The following SERBP1 variants were observed in gnomAD, a reference collection of about 807,000 sequenced individuals.
SERBP1 encodes the protein SERPINE1 mRNA-binding protein 1.
SERBP1 carries 6 observed loss-of-function variants against 50.2 expected under a neutral mutation model. The ratio of observed to expected loss-of-function variants is 0.12; its 90% CI spans 0.07 to 0.24. SERBP1 has a LOEUF of 0.24. SERBP1 is among the 10% of genes least tolerant of loss of function. The probability of loss-of-function intolerance (pLI) is 1.00; values close to 1 mark genes in which losing one functional copy is unlikely to be tolerated. For synonymous variants in SERBP1, 168 were observed against 182.8 expected (o/e 0.92, Z 0.65); for missense variants, 346 against 524.9 (o/e 0.66, Z 3.33).
chr1:67,430,114 A>T lies in SERBP1; in HGVS notation c.187T>A (p.Ser63Thr). Residue 63 changes from serine to threonine, a missense_variant, in exon 1 of 8, where the codon TCC becomes ACC. Ser to Thr is a moderately conservative substitution (Grantham distance 58, BLOSUM62 1). This residue lies in a region of SERBP1 where 257 missense variants were observed against 331.2 expected (regional missense o/e 0.78). Transcript: ENST00000361219. ...SAAQAAAQTN[S>T]NAAGKQLRKE... is the part of the protein sequence containing the mutation. ...CGCAGCTGTTTGCCTGCCGCGTTGG[A>T]GTTGGTCTGGGCCGCGGCCTGAGCT... 1 of 1,612,328 alleles carries T rather than the reference A, an allele frequency of 6.2e-7. No individual in the cohort carries two copies.
intron 5 of SERBP1, among the ~76,000 whole-genome samples, chr1:67,422,758 G>A (rs1361390934): frequency 2.0e-5 from 3 of 151,774 alleles, no homozygotes; most frequent in African/African-American, 7.3e-5. Flanking sequence ...TCAGGAGTTC[G>A]AGACCAGCCT....
chr1:67,412,943 T>C lies in SERBP1; in HGVS notation c.*264A>G, dbSNP rs1286416062. 2.1e-6 allele frequency: 1 copy of C among 480,704 alleles called. No homozygotes were observed. Among genetic ancestry groups the C allele is most frequent in the South Asian group, 3.1e-5 (1 of 32,268 alleles). The allele number at this position is 480,704 out of a possible 1,614,324, so 29.8% of individuals were successfully genotyped here. ...GCAAGCAGCAATACAAAAGTATTCA[T>C]GAAGAATGCATAATCTCTGAAAATT... On this transcript the variant is annotated 3_prime_UTR_variant, in exon 8 of 8. Transcript: ENST00000361219.
chr1:67,426,833 C>G (rs1485923424), intron 1 of SERBP1, among the ~76,000 whole-genome samples: 2 of 152,012 alleles, frequency 1.3e-5, no homozygotes, highest in Non-Finnish European at 2.9e-5. Context: ...GCAATTAAGA[C>G]TCATAATTCT....
intron 6 of SERBP1, among the ~76,000 whole-genome samples, chr1:67,419,057 CA>C (rs1667121788): frequency 6.6e-6 from 1 of 152,158 alleles, no homozygotes; most frequent in Admixed American, 6.5e-5. Flanking sequence ...GCTACCAAAT[CA>C]AAAGCCATCA....
chr1:67,423,771 T>C (rs149938308), intron 5 of SERBP1, among the ~76,000 whole-genome samples: 2 of 152,248 alleles, frequency 1.3e-5, no homozygotes, highest in African/African-American at 2.4e-5. Flanking sequence ...GTTTTAACTA[T>C]CTCAAAGTAA....
In SERBP1 at chr1:67,410,306, A is replaced by G. The variant is rs1427585509; in HGVS notation, c.*2901T>C. 6.6e-6 allele frequency: 1 copy of G among 152,052 alleles called. No individual in the cohort carries two copies. The highest frequency in any genetic ancestry group is 1.5e-5 in the Non-Finnish European group (1 of 68,004). The allele number at this position is 152,052 out of a possible 1,614,324, so 9.4% of individuals were successfully genotyped here. On this transcript the variant is annotated 3_prime_UTR_variant, in exon 8 of 8. Coordinates refer to ENST00000361219, the MANE Select transcript of SERBP1 (RefSeq NM_001018069.2). Reference sequence around the variant, plus strand: ...AATACACATTTAGGCTTTGTATGCAACTCCCTGTTCTATTTCAGTGCAACC... The same window carrying G: ...AATACACATTTAGGCTTTGTATGCAGCTCCCTGTTCTATTTCAGTGCAACC...
chr1:67,426,968 A>G (rs1053089379), intron 1 of SERBP1, among the ~76,000 whole-genome samples: 52 of 152,322 alleles, frequency 3.4e-4, no homozygotes, highest in African/African-American at 1.3e-3. Context: ...ACAGGCACAC[A>G]AAAAGGGCCA....
chr1:67,417,971 GTTTTTT>G (rs397861816), intron 6 of SERBP1, among the ~76,000 whole-genome samples: 3 of 76,802 alleles, frequency 3.9e-5, no homozygotes, highest in Admixed American at 2.0e-4. Context: ...TTAAAGTGTT[GTTTTTT>G]TTTTTTTTTT....
chr1:67,417,969 T>C (rs908354621), intron 6 of SERBP1, among the ~76,000 whole-genome samples: 2 of 117,346 alleles, frequency 1.7e-5, no homozygotes, highest in African/African-American at 6.3e-5. Flanking sequence ...AGTTAAAGTG[T>C]TGTTTTTTTT....
In SERBP1 at chr1:67,410,069, G is replaced by A. The variant is rs1374017446; in HGVS notation, c.*3138C>T. The A allele has an allele frequency of 6.6e-6, 1 of 152,110 alleles. No individual in the cohort carries two copies. Among genetic ancestry groups the A allele is most frequent in the African/African-American group, 2.4e-5 (1 of 41,416 alleles). 9.4% of individuals were successfully genotyped at this position (152,110 alleles called of 1,614,324 possible). A position where few individuals can be genotyped will look rare whatever the true frequency, so the allele number is the denominator to read the frequency against. On this transcript the variant is annotated 3_prime_UTR_variant, in exon 8 of 8. Coordinates refer to ENST00000361219, the MANE Select transcript of SERBP1 (RefSeq NM_001018069.2). Reference sequence around the variant, plus strand: ...AAAATTGCATGCACCTGAGATCCCTGGAATTTGCTATACCATTGGACTGGA... The same window carrying A: ...AAAATTGCATGCACCTGAGATCCCTAGAATTTGCTATACCATTGGACTGGA...
At position 67,409,421 on chromosome 1, in the gene SERBP1, C is replaced by CACACACCCA. The variant is rs1553132862; in HGVS notation, c.*3785_*3786insTGGGTGTGT. ...CACACACACACACACACACACACACCCCCACACACACCAGGTCACAGGCTG... is the reference window on the plus strand; with the variant it reads ...CACACACACACACACACACACACACCACACACCCACCCACACACACCAGGTCACAGGCTG... On this transcript the variant is annotated 3_prime_UTR_variant, in exon 8 of 8. Transcript: ENST00000361219. 4 of 108,950 alleles carry CACACACCCA rather than the reference C, an allele frequency of 3.7e-5. No homozygotes were observed. Among genetic ancestry groups the CACACACCCA allele is most frequent in the African/African-American group, 1.6e-4 (4 of 24,862 alleles). 6.7% of individuals were successfully genotyped at this position (108,950 alleles called of 1,614,324 possible).
intron 5 of SERBP1, chr1:67,420,410 T>C (rs1288591300): frequency 4.6e-6 from 2 of 439,438 alleles, no homozygotes; most frequent in Admixed American, 4.0e-5. Flanking sequence ...GAATTCATAC[T>C]TATGAACTCT....
intron 1 of SERBP1, among the ~76,000 whole-genome samples, chr1:67,429,268 G>A (rs1667486550): frequency 6.6e-6 from 1 of 152,170 alleles, no homozygotes; most frequent in Admixed American, 6.5e-5. Flanking sequence ...CGTTCCTCGG[G>A]ATGTCCTGCA....
In SERBP1 at chr1:67,413,100, GAC is replaced by G. The variant is rs1050933090; in HGVS notation, c.*105_*106del. 73 of 1,339,378 alleles carry G rather than the reference GAC, an allele frequency of 5.5e-5. No individual in the cohort carries two copies. In the African/African-American group the frequency reaches 9.1e-4, roughly 17 times the overall value. The allele number at this position is 1,339,378 out of a possible 1,614,324, so 83.0% of individuals were successfully genotyped here. A position where few individuals can be genotyped will look rare whatever the true frequency, so the allele number is the denominator to read the frequency against. ...GTCTTTAGGTGTGAATGGTATGAATGACAGTCTTTTTTTTTTTAATTTCTTAG... is the reference window on the plus strand; with the variant it reads ...GTCTTTAGGTGTGAATGGTATGAATGAGTCTTTTTTTTTTTAATTTCTTAG... On this transcript the variant is annotated 3_prime_UTR_variant, in exon 8 of 8. Transcript: ENST00000361219.
chr1:67,427,407 T>C (rs1667423463), intron 1 of SERBP1, among the ~76,000 whole-genome samples: 1 of 152,192 alleles, frequency 6.6e-6, no homozygotes, highest in African/African-American at 2.4e-5. Context: ...ATAAAGCAGC[T>C]GAGGAATTGG....
chr1:67,426,040 A>C, intron 2 of SERBP1, 95 bp downstream of exon 2: 1 of 1,035,484 alleles, frequency 9.7e-7, no homozygotes, highest in South Asian at 1.7e-5. Context: ...ATTTGAGCCC[A>C]GGAAGCAGAG....
At chr1:67,416,623 C>T (rs945951702) in intron 6 of SERBP1, among the ~76,000 whole-genome samples, 2 of 152,132 alleles carry the variant, frequency 1.3e-5, no homozygotes, top group Non-Finnish European at 2.9e-5. Context: ...TTCCATTAGA[C>T]TCAACTTAAA....
intron 5 of SERBP1, among the ~76,000 whole-genome samples, chr1:67,423,475 C>T (rs978696215): frequency 2.6e-5 from 4 of 151,988 alleles, no homozygotes; most frequent in African/African-American, 9.6e-5. Context: ...GGCCTGGTGG[C>T]AGGCACCTAT....
chr1:67,416,175 G>A (rs976991031), intron 6 of SERBP1, among the ~76,000 whole-genome samples: 1 of 152,044 alleles, frequency 6.6e-6, no homozygotes, highest in Non-Finnish European at 1.5e-5. Context: ...ATGACACCTG[G>A]CTAATTTTTT....
Sources: allele counts gnomAD v4.1 joint callset (sites outside exome capture counted in the v4.1 genomes callset), GRCh38; gene constraint gnomAD v4.1.1; regional missense constraint gnomAD v4.1.1; transcripts MANE v1.5; gene names NCBI Gene and HGNC (gene_info 2026-07-23, HGNC 2026-07-21).